The following PCDHB9 variants were observed in gnomAD, a reference collection of about 807,000 sequenced individuals.
PCDHB9 encodes the protein protocadherin beta 9.
For synonymous variants in PCDHB9, 501 were observed against 439.7 expected (o/e 1.14, Z -1.75); for missense variants, 1,072 against 995.1 (o/e 1.08, Z -1.04).
rs782808992 is a variant in PCDHB9, at chr5:141,188,003, C to T, written c.685C>T (p.Arg229Cys). ...SPSRSGTSTI[R>C]IVVLDVNDNV... ...ATCCAGGTCTGGGACCTCCACTATA[C>T]GCATTGTGGTCTTGGATGTCAATGA... The change falls in exon 1 of 1, where the codon CGC becomes TGC. Residue 229 changes from arginine (R) to cysteine (C), a missense_variant. Physicochemically the swap from Arg to Cys is radical, Grantham distance 180 (BLOSUM62 -3). Transcript: ENST00000316105. 6 of 1,613,916 alleles carry T rather than the reference C, an allele frequency of 3.7e-6. No homozygotes were observed. Among genetic ancestry groups the T allele is most frequent in the South Asian group, 1.1e-5 (1 of 91,070 alleles).
chr5:141,187,516 G>A lies in PCDHB9; in HGVS notation c.198G>A (p.Val66=). The A allele has an allele frequency of 6.2e-7, 1 of 1,609,190 alleles. No individual in the cohort carries two copies. Among genetic ancestry groups the A allele is most frequent in the South Asian group, 1.1e-5 (1 of 90,848 alleles). ...EGELAARGTR[V]VSDDNKQYLL... ...AGCTGGCTGCAAGGGGAACCAGGGTGGTTTCCGATGATAACAAACAATACC... is the reference window on the plus strand; with the variant it reads ...AGCTGGCTGCAAGGGGAACCAGGGTAGTTTCCGATGATAACAAACAATACC... Residue 66 remains valine (V), a synonymous_variant, in exon 1 of 1, where the codon GTG becomes GTA. Transcript: ENST00000316105.
In PCDHB9 at chr5:141,191,521, T is replaced by C. The variant is rs925481126; in HGVS notation, c.*1809T>C. 10 of 152,134 alleles carry C rather than the reference T, an allele frequency of 6.6e-5. No individual in the cohort carries two copies. The highest frequency in any genetic ancestry group is 2.4e-4 in the African/African-American group (10 of 41,408). The allele number at this position is 152,134 out of a possible 1,614,324, so 9.4% of individuals were successfully genotyped here. On this transcript the variant is annotated 3_prime_UTR_variant, in exon 1 of 1. Transcript: ENST00000316105. Reference sequence around the variant, plus strand: ...CAAGAAAAACAAAGACAAGTGAAAGTAAGGAAACAGAAATTGCAAAGAGTA... The same window carrying C: ...CAAGAAAAACAAAGACAAGTGAAAGCAAGGAAACAGAAATTGCAAAGAGTA...
In PCDHB9 at chr5:141,189,247, T is replaced by G. The variant is rs538773356; in HGVS notation, c.1929T>G (p.Leu643=). Residue 643 remains leucine (L), a synonymous_variant, in exon 1 of 1, where the codon CTT becomes CTG. Transcript: ENST00000316105. The part of the protein sequence containing the change: ...RDAAKHRLVV[L]VKDNGEPPRS... The stretch of plus-strand genomic sequence containing the variant: ...CGGCCAAGCACAGGCTGGTGGTGCT[T>G]GTCAAGGACAATGGCGAGCCTCCTC... 270 of 1,607,226 alleles carry G rather than the reference T, an allele frequency of 1.7e-4. 3 individuals carry two copies. Among genetic ancestry groups the G allele is most frequent in the Middle Eastern group, 1.6e-3 (7 of 4,472 alleles).
chr5:141,189,478 C>T lies in PCDHB9; in HGVS notation c.2160C>T (p.Ala720=), dbSNP rs1554283371. The change falls in exon 1 of 1, where the codon GCC becomes GCT. Residue 720 remains alanine (A), a synonymous_variant. Transcript: ENST00000316105. Reference sequence around the variant, plus strand: ...GGCTGTGCAGGAGGAGCAGGGCGGCCTCGGTGGGTCGCTGCTCGGTGCCCG... The same window carrying T: ...GGCTGTGCAGGAGGAGCAGGGCGGCTTCGGTGGGTCGCTGCTCGGTGCCCG... ...AVRLCRRSRA[A]SVGRCSVPEG... is the part of the protein sequence containing the mutation. The T allele has an allele frequency of 1.9e-6, 3 of 1,613,270 alleles. No homozygotes were observed. In the South Asian group the frequency reaches 3.3e-5, roughly 18 times the overall value.
Position 141,189,804 on chromosome 5 carries a change from T to G in PCDHB9, c.*92T>G. 1 of 1,158,930 alleles carries G rather than the reference T, an allele frequency of 8.6e-7. No individual in the cohort carries two copies. Among genetic ancestry groups the G allele is most frequent in the Non-Finnish European group, 1.2e-6 (1 of 827,076 alleles). 71.8% of individuals were successfully genotyped at this position (1,158,930 alleles called of 1,614,324 possible). A position where few individuals can be genotyped will look rare whatever the true frequency, so the allele number is the denominator to read the frequency against. ...TGCCCACCACAAAGAAGGTACTATTTTTTGTTTGATTCATCTTCAACTTTG... is the reference window on the plus strand; with the variant it reads ...TGCCCACCACAAAGAAGGTACTATTGTTTGTTTGATTCATCTTCAACTTTG... On this transcript the variant is annotated 3_prime_UTR_variant, in exon 1 of 1. Coordinates refer to ENST00000316105, the MANE Select transcript of PCDHB9 (RefSeq NM_019119.5).
chr5:141,189,637 C>T lies in PCDHB9; in HGVS notation c.2319C>T (p.His773=), dbSNP rs1753851175. 1 of 1,613,992 alleles carries T rather than the reference C, an allele frequency of 6.2e-7. No homozygotes were observed. Among genetic ancestry groups the T allele is most frequent in the African/African-American group, 1.3e-5 (1 of 74,896 alleles). Residue 773 remains histidine (H), a synonymous_variant, in exon 1 of 1, where the codon CAC becomes CAT. Transcript: ENST00000316105. ...AGTTCTTGAAGCCGATTACCCCCCA[C>T]CTCCCGCCCCATAGGGGTGGGAAAG... ...EFKFLKPITP[H]LPPHRGGKEI... is the part of the protein sequence containing the mutation.
At position 141,190,338 on chromosome 5, in the gene PCDHB9, T is replaced by C. The variant is rs2907326; in HGVS notation, c.*626T>C. 91,764 of 151,714 alleles carry C rather than the reference T, an allele frequency of 0.6. 27,899 individuals are homozygous for C. The highest frequency in any genetic ancestry group is 0.66 in the African/African-American group (27,450 of 41,294). The allele number at this position is 151,714 out of a possible 1,614,324, so 9.4% of individuals were successfully genotyped here. A position where few individuals can be genotyped will look rare whatever the true frequency, so the allele number is the denominator to read the frequency against. Reference sequence around the variant, plus strand: ...GGACTACAGTTGCATGTCACCACGTTCGGCTAATTTTTGTATTTTCAGTAG... The same window carrying C: ...GGACTACAGTTGCATGTCACCACGTCCGGCTAATTTTTGTATTTTCAGTAG... On this transcript the variant is annotated 3_prime_UTR_variant, in exon 1 of 1. Coordinates refer to ENST00000316105, the MANE Select transcript of PCDHB9 (RefSeq NM_019119.5).
chr5:141,187,330 G>T lies in PCDHB9; in HGVS notation c.12G>T (p.Arg4Ser). MKTRGFSFPRQRQV... is the reference protein window; with the variant it reads MKTSGFSFPRQRQV... Reference sequence around the variant, plus strand: ...GGAAAGAAGCAGCTATGAAGACCAGGGGGTTCAGCTTTCCAAGACAAAGGC... The same window carrying T: ...GGAAAGAAGCAGCTATGAAGACCAGTGGGTTCAGCTTTCCAAGACAAAGGC... The change falls in exon 1 of 1, where the codon AGG (arginine) becomes AGT (serine). Residue 4 changes from arginine (R) to serine (S), a missense_variant. Physicochemically the swap from Arg to Ser is moderately radical, Grantham distance 110. Coordinates refer to ENST00000316105, the MANE Select transcript of PCDHB9 (RefSeq NM_019119.5). 1 of 1,613,780 alleles carries T rather than the reference G, an allele frequency of 6.2e-7. No individual in the cohort carries two copies. The highest frequency in any genetic ancestry group is 8.5e-7 in the Non-Finnish European group (1 of 1,179,870).
Position 141,188,989 on chromosome 5 carries a change from C to A in PCDHB9, c.1671C>A (p.Asn557Lys). Residue 557 changes from asparagine (N) to lysine (K), a missense_variant, in exon 1 of 1, where the codon AAC becomes AAA. Asn to Lys is a moderately conservative substitution (Grantham distance 94). Coordinates refer to ENST00000316105, the MANE Select transcript of PCDHB9 (RefSeq NM_019119.5). ...TACTGGTGCTGGACGCCAACGACAA[C>A]TCGCCCTTCGTGCTGTACCCGCTGC... is the stretch of plus-strand genomic sequence containing the variant. ...VRVLVLDAND[N>K]SPFVLYPLQN... 1 of 1,611,454 alleles carries A rather than the reference C, an allele frequency of 6.2e-7. No homozygotes were observed. Among genetic ancestry groups the A allele is most frequent in the Non-Finnish European group, 8.5e-7 (1 of 1,179,754 alleles).
chr5:141,188,231 G>C lies in PCDHB9; in HGVS notation c.913G>C (p.Glu305Gln), dbSNP rs1313860093. The change falls in exon 1 of 1, where the codon GAA (glutamate) becomes CAA (glutamine). Residue 305 changes from glutamate (E) to glutamine (Q), a missense_variant. Physicochemically the swap from Glu to Gln is conservative, Grantham distance 29. Transcript: ENST00000316105. ...NPFSGEIFLR[E>Q]LLDYELVNSY... ...TTTTTCTGGGGAAATCTTTCTCAGA[G>C]AATTGCTTGATTATGAGTTAGTAAA... 6.2e-7 allele frequency: 1 copy of C among 1,613,372 alleles called. No individual in the cohort carries two copies. Among genetic ancestry groups the C allele is most frequent in the Non-Finnish European group, 8.5e-7 (1 of 1,179,762 alleles).
rs543828084 is a variant in PCDHB9, at chr5:141,187,434, C to G, written c.116C>G (p.Thr39Arg). The change falls in exon 1 of 1, where the codon ACA becomes AGA. Residue 39 changes from threonine to arginine, a missense_variant. Transcript: ENST00000316105. ...GFGRYSVTEE[T>R]EKGSFVVNLA... is the part of the protein sequence containing the mutation. ...GGACGTTATTCGGTGACTGAGGAAA[C>G]AGAGAAAGGATCCTTTGTGGTCAAT... is the stretch of plus-strand genomic sequence containing the variant. The G allele has an allele frequency of 4.3e-6, 7 of 1,613,918 alleles. No individual in the cohort carries two copies. The highest frequency in any genetic ancestry group is 5.9e-6 in the Non-Finnish European group (7 of 1,179,990).
In PCDHB9 at chr5:141,187,580, G is replaced by A. The variant is rs368605248; in HGVS notation, c.262G>A (p.Glu88Lys). The A allele has an allele frequency of 1.9e-6, 3 of 1,609,976 alleles. No homozygotes were observed. Among genetic ancestry groups the A allele is most frequent in the African/African-American group, 2.7e-5 (2 of 74,710 alleles). ...ACATACCGGGAATTTGCTCACAAAT[G>A]AGAAACTGGACCGAGAGAAGCTGTG... ...DSHTGNLLTN[E>K]KLDREKLCGP... The change falls in exon 1 of 1, where the codon GAG (glutamate) becomes AAG (lysine). Residue 88 changes from glutamate (E) to lysine (K), a missense_variant. Transcript: ENST00000316105.
Position 141,188,405 on chromosome 5 carries a change from A to G in PCDHB9, c.1087A>G (p.Ile363Val). 1 of 1,614,106 alleles carries G rather than the reference A, an allele frequency of 6.2e-7. No individual in the cohort carries two copies. The highest frequency in any genetic ancestry group is 8.5e-7 in the Non-Finnish European group (1 of 1,179,990). Residue 363 changes from isoleucine to valine, a missense_variant, in exon 1 of 1, where the codon ATA (isoleucine) becomes GTA (valine). By Grantham distance (29) the Ile-to-Val change is conservative. Coordinates refer to ENST00000316105, the MANE Select transcript of PCDHB9 (RefSeq NM_019119.5). ...SNSVAENSPG[I>V]VLAVFKIKDR... ...CTCTGTTGCTGAAAACTCTCCTGGG[A>G]TAGTATTGGCTGTTTTTAAGATTAA...
Position 141,187,413 on chromosome 5 carries a change from G to A in PCDHB9, c.95G>A (p.Arg32His), listed in dbSNP as rs1753762810. ...GVSLAGSGFGRYSVTEETEKG... is the reference protein window; with the variant it reads ...GVSLAGSGFGHYSVTEETEKG... ...TCCTTGGCAGGTTCTGGGTTTGGACGTTATTCGGTGACTGAGGAAACAGAG... is the reference window on the plus strand; with the variant it reads ...TCCTTGGCAGGTTCTGGGTTTGGACATTATTCGGTGACTGAGGAAACAGAG... The change falls in exon 1 of 1, where the codon CGT becomes CAT. Residue 32 changes from arginine to histidine, a missense_variant. By Grantham distance (29) the Arg-to-His change is conservative. Transcript: ENST00000316105. The A allele has an allele frequency of 1.9e-6, 3 of 1,613,872 alleles. No homozygotes were observed. The highest frequency in any genetic ancestry group is 1.7e-6 in the Non-Finnish European group (2 of 1,179,988).
rs1753756560 is a variant in PCDHB9, at chr5:141,187,215, A to C, written c.-104A>C. The C allele has an allele frequency of 1.5e-6, 2 of 1,340,486 alleles. No homozygotes were observed. Among genetic ancestry groups the C allele is most frequent in the African/African-American group, 1.5e-5 (1 of 68,228 alleles). 83.0% of individuals were successfully genotyped at this position (1,340,486 alleles called of 1,614,324 possible). ...TGTCGAGTCCCTGATTGGGAAAGGA[A>C]AAATTAAAAACCCTAGATCTCTGGT... On this transcript the variant is annotated 5_prime_UTR_variant, in exon 1 of 1. Transcript: ENST00000316105.
rs1380845672 is a variant in PCDHB9, at chr5:141,188,235, T to A, written c.917T>A (p.Leu306Ter). 9 of 1,613,524 alleles carry A rather than the reference T, an allele frequency of 5.6e-6. No homozygotes were observed. In the Admixed American group the frequency reaches 6.7e-5, roughly 12 times the overall value. The change falls in exon 1 of 1, where the codon TTG (leucine) becomes TAG (stop). Residue 306 changes from leucine (L) to a stop codon, truncating the protein, a stop_gained. Transcript: ENST00000316105. LOFTEE classifies it low-confidence loss of function (END_TRUNC). Reference protein sequence around the residue: ...PFSGEIFLRELLDYELVNSYK... With the variant: ...PFSGEIFLRE ...TCTGGGGAAATCTTTCTCAGAGAATTGCTTGATTATGAGTTAGTAAATTCT... is the reference window on the plus strand; with the variant it reads ...TCTGGGGAAATCTTTCTCAGAGAATAGCTTGATTATGAGTTAGTAAATTCT...
chr5:141,189,482 G>A lies in PCDHB9; in HGVS notation c.2164G>A (p.Val722Met), dbSNP rs17844547. Residue 722 changes from valine to methionine, a missense_variant, in exon 1 of 1, where the codon GTG becomes ATG. Val to Met is a conservative substitution (Grantham distance 21). Transcript: ENST00000316105. Reference sequence around the variant, plus strand: ...GTGCAGGAGGAGCAGGGCGGCCTCGGTGGGTCGCTGCTCGGTGCCCGAGGG... The same window carrying A: ...GTGCAGGAGGAGCAGGGCGGCCTCGATGGGTCGCTGCTCGGTGCCCGAGGG... ...RLCRRSRAAS[V>M]GRCSVPEGPF... The A allele has an allele frequency of 6.9e-5, 111 of 1,613,370 alleles. No homozygotes were observed. In the East Asian group the frequency reaches 1.9e-3, roughly 28 times the overall value.
Position 141,188,404 on chromosome 5 carries a change from G to A in PCDHB9, c.1086G>A (p.Gly362=). 2 of 1,614,132 alleles carry A rather than the reference G, an allele frequency of 1.2e-6. No individual in the cohort carries two copies. The highest frequency in any genetic ancestry group is 1.7e-6 in the Non-Finnish European group (2 of 1,180,010). Residue 362 remains glycine (G), a synonymous_variant, in exon 1 of 1, where the codon GGG becomes GGA. Coordinates refer to ENST00000316105, the MANE Select transcript of PCDHB9 (RefSeq NM_019119.5). ...LSNSVAENSP[G]IVLAVFKIKD... The stretch of plus-strand genomic sequence containing the variant: ...ACTCTGTTGCTGAAAACTCTCCTGG[G>A]ATAGTATTGGCTGTTTTTAAGATTA...
At position 141,189,605 on chromosome 5, in the gene PCDHB9, G is replaced by T. The variant is rs782579717; in HGVS notation, c.2287G>T (p.Glu763Ter). The stretch of plus-strand genomic sequence containing the variant: ...TCTGACTGGAGGTTCAGAGACCGGC[G>T]AGTTCAAGTTCTTGAAGCCGATTAC... ...VCLTGGSETG[E>*]FKFLKPITPH... Residue 763 changes from glutamate (E) to a stop codon, truncating the protein, a stop_gained, in exon 1 of 1, where the codon GAG becomes TAG. Coordinates refer to ENST00000316105, the MANE Select transcript of PCDHB9 (RefSeq NM_019119.5). LOFTEE classifies it low-confidence loss of function (END_TRUNC). 1 of 1,614,086 alleles carries T rather than the reference G, an allele frequency of 6.2e-7. No individual in the cohort carries two copies. The highest frequency in any genetic ancestry group is 8.5e-7 in the Non-Finnish European group (1 of 1,180,032).
Sources: allele counts gnomAD v4.1 joint callset, GRCh38; gene constraint gnomAD v4.1.1; transcripts MANE v1.5; gene names NCBI Gene and HGNC (gene_info 2026-07-23, HGNC 2026-07-21).